The following AZIN1 variants were observed in gnomAD, a reference collection of about 807,000 sequenced individuals.
The protein encoded by AZIN1 is ornithine decarboxylase antizyme inhibitor.
A neutral mutation model predicts 47.4 loss-of-function variants in AZIN1; 12 were observed. The observed-to-expected ratio is 0.25, with a 90% CI of 0.16 to 0.41. The LOEUF is 0.41. Ranked by LOEUF, AZIN1 falls within the 10% of genes least tolerant of loss-of-function variation. The pLI, the probability that AZIN1 is intolerant of heterozygous loss-of-function variation, is 1.00. For synonymous variants in AZIN1, 155 were observed against 176.3 expected, an observed-to-expected ratio of 0.88 and a Z score of 0.96; for missense variants, 410 against 532.4, an observed-to-expected ratio of 0.77 and a Z score of 2.26.
At chr8:102,845,827 TAAGTA>T (rs967873611) in intron 2 of AZIN1, among the ~76,000 whole-genome samples, 23 of 152,086 alleles carry the variant, frequency 1.5e-4, no homozygotes, top group Admixed American at 1.4e-3. Flanking sequence ...GAAAAAAAAA[TAAGTA>T]AATTGTGTCC....
chr8:102,864,022 G>A lies in AZIN1; in HGVS notation c.-449C>T, dbSNP rs372054278. 46 of 156,906 alleles carry A rather than the reference G, an allele frequency of 2.9e-4. No individual in the cohort carries two copies. The South Asian group carries it at 8.1e-3, about 28-fold the overall frequency. The allele number at this position is 156,906 out of a possible 1,614,324, so 9.7% of individuals were successfully genotyped here. ...AAATAGAACAGCGCAGGCAAAAGAAGAAAGGCGCGGGCTGGGTGGGAAGAG... is the reference window on the plus strand; with the variant it reads ...AAATAGAACAGCGCAGGCAAAAGAAAAAAGGCGCGGGCTGGGTGGGAAGAG... On this transcript the variant is annotated 5_prime_UTR_variant, in exon 1 of 12. Coordinates refer to ENST00000337198, the MANE Select transcript of AZIN1 (RefSeq NM_148174.4).
Position 102,863,940 on chromosome 8 carries a change from T to TAA in AZIN1, c.-369_-368dup, listed in dbSNP as rs954456877. 2.0e-5 allele frequency: 3 copies of TAA among 152,208 alleles called. No individual in the cohort carries two copies. Among genetic ancestry groups the TAA allele is most frequent in the Admixed American group, 6.6e-5 (1 of 15,188 alleles). The allele number at this position is 152,208 out of a possible 1,614,324, so 9.4% of individuals were successfully genotyped here. Reference sequence around the variant, plus strand: ...ATAGGCTGCGGGAACGACTTGGGGGTAAAAGCGCGGCACCGACACCAGCTG... The same window carrying TAA: ...ATAGGCTGCGGGAACGACTTGGGGGTAAAAAAGCGCGGCACCGACACCAGCTG... On this transcript the variant is annotated 5_prime_UTR_variant, in exon 1 of 12. Transcript: ENST00000337198.
chr8:102,834,619 T>A, intron 7 of AZIN1, 47 bp downstream of exon 7: 1 of 1,437,420 alleles, frequency 7.0e-7, no homozygotes, highest in Non-Finnish European at 9.7e-7. Context: ...TAACTTAACA[T>A]CCTGGCTAAA....
chr8:102,833,201 G>A lies in AZIN1; in HGVS notation c.759C>T (p.Ser253=), dbSNP rs1315992156. The A allele has an allele frequency of 1.9e-6, 3 of 1,612,868 alleles. No homozygotes were observed. Among genetic ancestry groups the A allele is most frequent in the Non-Finnish European group, 2.5e-6 (3 of 1,179,478 alleles). The change falls in exon 9 of 12, where the codon AGC becomes AGT. Residue 253 remains serine (S), a synonymous_variant. Coordinates refer to ENST00000337198, the MANE Select transcript of AZIN1 (RefSeq NM_148174.4). ...FQLEEVNHVI[S]PLLDIYFPEG... is the part of the protein sequence containing the mutation. ...CAGGAAAGTAGATATCCAACAGAGG[G>A]CTGATAACATGATTAACCTATGGAT...
intron 2 of AZIN1, among the ~76,000 whole-genome samples, chr8:102,844,344 TAAAAA>T (rs34491786): frequency 6.9e-6 from 1 of 144,220 alleles, no homozygotes. Flanking sequence ...CCGTCTCTCC[TAAAAA>T]AAAAAAAAAA....
chr8:102,842,078 T>C (rs1311737179), intron 3 of AZIN1, among the ~76,000 whole-genome samples: 2 of 151,182 alleles, frequency 1.3e-5, no homozygotes, highest in African/African-American at 4.9e-5. Context: ...ACCACTGCGC[T>C]CCAGCCTGGG....
At chr8:102,846,286 A>T (rs550005768) in intron 2 of AZIN1, among the ~76,000 whole-genome samples, 1 of 152,336 alleles carries the variant, frequency 6.6e-6, no homozygotes, top group East Asian at 1.9e-4. Context: ...TTACTGGCTG[A>T]CTACCTACAT....
intron 1 of AZIN1, 65 bp downstream of exon 1, chr8:102,863,742 C>G (rs1348293893): frequency 6.6e-6 from 1 of 152,204 alleles, no homozygotes; most frequent in African/African-American, 2.4e-5. Flanking sequence ...CCGGAGCCCC[C>G]CAGCCGCCCC....
chr8:102,853,977 T>C (rs1272367394), intron 2 of AZIN1, among the ~76,000 whole-genome samples: 1 of 152,064 alleles, frequency 6.6e-6, no homozygotes, highest in Non-Finnish European at 1.5e-5. Context: ...AGTCTTGCAC[T>C]GTCTCCTAGT....
intron 4 of AZIN1, 133 bp downstream of exon 4, chr8:102,839,517 T>G: frequency 3.3e-6 from 2 of 610,874 alleles, no homozygotes; most frequent in Non-Finnish European, 5.1e-6. Flanking sequence ...AACATGAGGC[T>G]GGAGATTTAA....
chr8:102,852,233 C>A (rs569275703), intron 2 of AZIN1, among the ~76,000 whole-genome samples: 3 of 152,252 alleles, frequency 2.0e-5, no homozygotes, highest in African/African-American at 7.2e-5. Context: ...ATCAGAGGAT[C>A]CTTGCAGTAA....
chr8:102,836,322 G>T lies in AZIN1; in HGVS notation c.518C>A (p.Thr173Asn). ...GEEGNMKFGT[T>N]LKNCRHLLEC... ...CAAGAGATGCCTACAGTTCTTCAGG[G>T]TAGTGCCAAACTTCATGTTACCCTC... Residue 173 changes from threonine to asparagine, a missense_variant, in exon 6 of 12, where the codon ACC (threonine) becomes AAC (asparagine). Physicochemically the swap from Thr to Asn is moderately conservative, Grantham distance 65 (BLOSUM62 0). Coordinates refer to ENST00000337198, the MANE Select transcript of AZIN1 (RefSeq NM_148174.4). The T allele has an allele frequency of 1.2e-6, 2 of 1,613,264 alleles. No individual in the cohort carries two copies. The highest frequency in any genetic ancestry group is 1.7e-6 in the Non-Finnish European group (2 of 1,179,240).
At chr8:102,834,604 G>C in intron 7 of AZIN1, 62 bp downstream of exon 7, 1 of 1,277,444 alleles carries the variant, frequency 7.8e-7, no homozygotes, top group South Asian at 1.3e-5. Flanking sequence ...AAAATACTTA[G>C]TCTTTAACTT....
intron 2 of AZIN1, among the ~76,000 whole-genome samples, 159 bp downstream of exon 2, chr8:102,857,854 T>C (rs1813392249): frequency 6.6e-6 from 1 of 152,146 alleles, no homozygotes; most frequent in African/African-American, 2.4e-5. Flanking sequence ...CAGTCAAGTC[T>C]GTAACCAGTA....
At chr8:102,834,595 A>AAAC (rs3214633) in intron 7 of AZIN1, 71 bp downstream of exon 7, 504,621 of 1,212,560 alleles carry the variant, frequency 0.42, 108,680 homozygotes, top group Admixed American at 0.49. Flanking sequence ...CACAGGCAGA[A>AAAC]AATACTTAGT....
chr8:102,858,237 G>C lies in AZIN1; in HGVS notation c.-233-87C>G, dbSNP rs536869141. The C allele has an allele frequency of 2.5e-5, 10 of 396,756 alleles. 1 individual carries two copies. In the South Asian group the frequency reaches 1.2e-3, roughly 49 times the overall value. The allele number at this position is 396,756 out of a possible 1,614,324, so 24.6% of individuals were successfully genotyped here. A position where few individuals can be genotyped will look rare whatever the true frequency, so the allele number is the denominator to read the frequency against. ...CTTAAACATGAACTGTAGAATACGT[G>C]TTCATTTTATAACAATGTTTCATTA... is the stretch of plus-strand genomic sequence containing the variant. On this transcript the variant is annotated intron_variant, in intron 1 of 11. Coordinates refer to ENST00000337198, the MANE Select transcript of AZIN1 (RefSeq NM_148174.4).
At chr8:102,832,667 T>C (rs555094305) in intron 9 of AZIN1, among the ~76,000 whole-genome samples, 1 of 148,876 alleles carries the variant, frequency 6.7e-6, no homozygotes, top group Non-Finnish European at 1.5e-5. Context: ...TGAGACGGAG[T>C]CTCACTCTTG....
intron 11 of AZIN1, 44 bp downstream of exon 11, chr8:102,829,228 G>T: frequency 1.3e-6 from 2 of 1,508,988 alleles, no homozygotes; most frequent in South Asian, 1.2e-5. Context: ...AGTCTAAAAG[G>T]ACAGTTCAAA....
chr8:102,842,824 T>C (rs1354979107), intron 3 of AZIN1, among the ~76,000 whole-genome samples: 1 of 151,614 alleles, frequency 6.6e-6, no homozygotes, highest in Non-Finnish European at 1.5e-5. Flanking sequence ...AATCAATTGC[T>C]TGAACGCAGG....
Sources: gnomAD v4.1 joint callset for allele counts (sites outside exome capture counted in the v4.1 genomes callset) on GRCh38, gnomAD v4.1.1 for gene constraint, MANE v1.5 for transcripts, NCBI Gene and HGNC (gene_info 2026-07-23, HGNC 2026-07-21) for gene names.